NAA16: variants seen among roughly 807,000 people sequenced by gnomAD.
NAA16 encodes the protein NARG1-like protein.
Under a neutral mutation model 110.3 loss-of-function variants are expected in NAA16, and 97 were observed. That is an observed-to-expected ratio of 0.88 (90% CI 0.75 to 1.04). The LOEUF (loss-of-function observed/expected upper bound fraction) is 1.04, where lower values mean the gene tolerates loss of function less well. Among genes scored for constraint, NAA16 ranks in the 50% least tolerant of loss-of-function variants. NAA16 has a pLI of 0.00. For synonymous variants in NAA16, 372 were observed against 330.6 expected, an observed-to-expected ratio of 1.13 and a Z score of -1.36; for missense variants, 1,017 against 1,005.1, an observed-to-expected ratio of 1.01 and a Z score of -0.16.
Position 41,358,892 on chromosome 13 carries a change from A to AGG in NAA16, c.1340_1341insGG (p.Cys448AspfsTer11). The AGG allele has an allele frequency of 6.2e-7, 1 of 1,612,914 alleles. No homozygotes were observed. Among genetic ancestry groups the AGG allele is most frequent in the Non-Finnish European group, 8.5e-7 (1 of 1,179,156 alleles). ...ACAGCTGATAGATTCATCAATTCCAAATGTGCAAAATACATGCTTCGAGCA... is the reference window on the plus strand; with the variant it reads ...ACAGCTGATAGATTCATCAATTCCAAGGATGTGCAAAATACATGCTTCGAGCA... On this transcript the variant is annotated frameshift_variant, in exon 12 of 20. Transcript: ENST00000379406. LOFTEE classifies it high-confidence loss of function.
chr13:41,358,298 T>C lies in NAA16; in HGVS notation c.1088-6T>C. On this transcript the variant is annotated splice_polypyrimidine_tract_variant and splice_region_variant and intron_variant, in intron 10 of 19. Coordinates refer to ENST00000379406, the MANE Select transcript of NAA16 (RefSeq NM_024561.5). ...CTATAATAATTTAATATTTGTTTGA[T>C]TGCAGAGAATGGGGAGAAGGAACCC... 1 of 1,606,768 alleles carries C rather than the reference T, an allele frequency of 6.2e-7. No homozygotes were observed.
Position 41,345,904 on chromosome 13 carries a change from G to A in NAA16, c.1014+9148G>A, listed in dbSNP as rs189523636. Among the ~76,000 whole-genome samples the A allele has an allele frequency of 6.7e-4, 102 of 152,316 alleles. 1 individual carries two copies. The highest frequency in any genetic ancestry group is 5.7e-3 in the Admixed American group (87 of 15,296). ...TTTTAAAAATATATTCTAGATACAA[G>A]TCTCTCATCAGATACATTATGTGAA... On this transcript the variant is annotated intron_variant, in intron 9 of 19. Coordinates refer to ENST00000379406, the MANE Select transcript of NAA16 (RefSeq NM_024561.5).
At chr13:41,352,722 A>C (rs1009402997) in intron 9 of NAA16, among the ~76,000 whole-genome samples, 1 of 152,194 alleles carries the variant, frequency 6.6e-6, no homozygotes, top group Non-Finnish European at 1.5e-5. Flanking sequence ...CGCAACGGTC[A>C]GTCCCCTTTG....
intron 9 of NAA16, among the ~76,000 whole-genome samples, chr13:41,351,721 G>A (rs2042839565): frequency 6.6e-6 from 1 of 152,178 alleles, no homozygotes; most frequent in Non-Finnish European, 1.5e-5. Flanking sequence ...TTAGAAGAAA[G>A]TAAACCAGGA....
chr13:41,371,593 ATTT>A (rs2043318928), intron 15 of NAA16, among the ~76,000 whole-genome samples: 1 of 152,084 alleles, frequency 6.6e-6, no homozygotes, highest in Admixed American at 6.6e-5. Flanking sequence ...CTTTCTTAGT[ATTT>A]TATTTTCTAT....
At chr13:41,318,962 A>G (rs367778871) in intron 3 of NAA16, 52 bp downstream of exon 3, 123 of 1,200,954 alleles carry the variant, frequency 1.0e-4, no homozygotes, top group Non-Finnish European at 1.3e-4. Context: ...TTTTTTCCTA[A>G]TTCAAATTAA....
intron 6 of NAA16, among the ~76,000 whole-genome samples, chr13:41,326,849 A>G (rs1171659168): frequency 6.6e-6 from 1 of 152,166 alleles, no homozygotes; most frequent in Admixed American, 6.5e-5. Context: ...TGACAAATGT[A>G]TAATGACATG....
At chr13:41,347,232 AACAAAAAC>A (rs1566276583) in intron 9 of NAA16, among the ~76,000 whole-genome samples, 3 of 30,260 alleles carry the variant, frequency 9.9e-5, no homozygotes, top group South Asian at 2.9e-3. Flanking sequence ...AAAAAACAAA[AACAAAAAC>A]AAAAAAAGAA....
At position 41,311,645 on chromosome 13, in the gene NAA16, G is replaced by C. The variant is rs2041570954; in HGVS notation, c.54+63G>C. On this transcript the variant is annotated intron_variant, in intron 1 of 19. Coordinates refer to ENST00000379406, the MANE Select transcript of NAA16 (RefSeq NM_024561.5). Reference sequence around the variant, plus strand: ...CCGGGTCCTCGGGCCTTAAGGGCAAGCGGTCTGGCGGCGGCCGGCGCGGGC... The same window carrying C: ...CCGGGTCCTCGGGCCTTAAGGGCAACCGGTCTGGCGGCGGCCGGCGCGGGC... 31 of 1,497,594 alleles carry C rather than the reference G, an allele frequency of 2.1e-5. No individual in the cohort carries two copies. The South Asian group carries it at 3.6e-4, about 17-fold the overall frequency. The allele number at this position is 1,497,594 out of a possible 1,614,324, so 92.8% of individuals were successfully genotyped here.
At chr13:41,320,409 T>A (rs541106181) in intron 3 of NAA16, among the ~76,000 whole-genome samples, 1 of 152,270 alleles carries the variant, frequency 6.6e-6, no homozygotes, top group East Asian at 1.9e-4. Flanking sequence ...ATTTCAAACA[T>A]GTACACAAGT....
chr13:41,341,142 G>T lies in NAA16; in HGVS notation c.1014+4386G>T, dbSNP rs186821491. Among the ~76,000 whole-genome samples, 4 of 152,274 alleles carry T rather than the reference G, an allele frequency of 2.6e-5. No individual in the cohort carries two copies. The East Asian group carries it at 7.7e-4, about 29-fold the overall frequency. ...GAAGAGTGTATATTCTGTTGATTTG[G>T]GGTGGGGAGTTCTGTAGATGTCTAT... On this transcript the variant is annotated intron_variant, in intron 9 of 19. Transcript: ENST00000379406.
At chr13:41,371,025 G>A (rs1306962776) in intron 15 of NAA16, among the ~76,000 whole-genome samples, 2 of 151,982 alleles carry the variant, frequency 1.3e-5, no homozygotes, top group East Asian at 3.9e-4. Flanking sequence ...AGCCAATCAA[G>A]GAAATCATAA....
chr13:41,349,960 CA>C (rs71086565), intron 9 of NAA16, among the ~76,000 whole-genome samples: 115,752 of 126,784 alleles, frequency 0.91, 52,671 homozygotes, highest in South Asian at 0.97. Flanking sequence ...GACTCCGTCT[CA>C]AAAAAAAAAA....
intron 9 of NAA16, among the ~76,000 whole-genome samples, chr13:41,340,317 G>A (rs1198773850): frequency 6.6e-6 from 1 of 152,006 alleles, no homozygotes; most frequent in Non-Finnish European, 1.5e-5. Flanking sequence ...GGTTTTTTGT[G>A]TCTGTATTTC....
intron 1 of NAA16, among the ~76,000 whole-genome samples, chr13:41,313,103 T>C: frequency 6.6e-6 from 1 of 152,190 alleles, no homozygotes. Flanking sequence ...TTTCTCTTTA[T>C]ACGAGTTTTT....
chr13:41,322,059 A>G (rs537682804), intron 4 of NAA16, among the ~76,000 whole-genome samples: 8 of 152,316 alleles, frequency 5.3e-5, no homozygotes, highest in African/African-American at 7.2e-5. Flanking sequence ...TGGCAAAACA[A>G]TGGCTGCTAA....
In NAA16 at chr13:41,355,152, A is replaced by T; in HGVS notation, c.1023A>T (p.Ile341=). ...SLYYNTEKVS[I]IQELVTNYEA... Reference sequence around the variant, plus strand: ...ATATGTTTCTTTAACAGGTTTCTATAATCCAGGAACTTGTTACTAATTATG... The same window carrying T: ...ATATGTTTCTTTAACAGGTTTCTATTATCCAGGAACTTGTTACTAATTATG... Residue 341 remains isoleucine, a synonymous_variant, in exon 10 of 20, where the codon ATA becomes ATT. Coordinates refer to ENST00000379406, the MANE Select transcript of NAA16 (RefSeq NM_024561.5). The T allele has an allele frequency of 6.4e-7, 1 of 1,573,584 alleles. No individual in the cohort carries two copies. The highest frequency in any genetic ancestry group is 8.6e-7 in the Non-Finnish European group (1 of 1,157,604).
intron 13 of NAA16, among the ~76,000 whole-genome samples, chr13:41,366,315 T>C (rs1287835256): frequency 2.6e-5 from 4 of 152,200 alleles, no homozygotes; most frequent in Non-Finnish European, 1.5e-5. Context: ...CAAGCAATTA[T>C]CAGATGATTA....
chr13:41,365,886 G>A (rs949297462), intron 13 of NAA16, among the ~76,000 whole-genome samples: 1 of 152,098 alleles, frequency 6.6e-6, no homozygotes, highest in Admixed American at 6.6e-5. Flanking sequence ...CCTTTTTTCA[G>A]ATGTTTCTCA....
Sources: allele counts gnomAD v4.1 joint callset (sites outside exome capture counted in the v4.1 genomes callset), GRCh38; gene constraint gnomAD v4.1.1; transcripts MANE v1.5; gene names NCBI Gene and HGNC (gene_info 2026-07-23, HGNC 2026-07-21).